Variants in AFG2A observed in about 807,000 individuals in gnomAD.
AFG2A encodes ATPase family gene 2 protein homolog A.
chr4:123,309,049 AG>A, the AFG2A span, among the ~76,000 whole-genome samples: 2 of 152,166 alleles, frequency 1.3e-5, no homozygotes. Context: ...AAAAGTAAAA[AG>A]CTATGCTAAT....
the AFG2A span, among the ~76,000 whole-genome samples, chr4:123,100,953 A>T: frequency 6.6e-6 from 1 of 151,960 alleles, no homozygotes; most frequent in East Asian, 1.9e-4. Flanking sequence ...TATGGCTACA[A>T]AGGCTTTAGG....
At chr4:123,307,070 G>A in the AFG2A span, among the ~76,000 whole-genome samples, 60 of 152,292 alleles carry the variant, frequency 3.9e-4, no homozygotes, top group Non-Finnish European at 7.6e-4. Flanking sequence ...ATTCAAACTT[G>A]TCTATTCACC....
chr4:123,004,815 T>C, the AFG2A span, among the ~76,000 whole-genome samples: 1 of 151,754 alleles, frequency 6.6e-6, no homozygotes, highest in Non-Finnish European at 1.5e-5. Flanking sequence ...TTTTCCCTTA[T>C]ATGTTCTCCA....
the AFG2A span, chr4:122,935,964 A>G: frequency 3.8e-6 from 5 of 1,323,344 alleles, no homozygotes; most frequent in Non-Finnish European, 4.0e-6. Context: ...TTGCTTCTTA[A>G]TAAAAATTGT....
the AFG2A span, among the ~76,000 whole-genome samples, chr4:123,048,009 C>A: frequency 6.6e-6 from 1 of 152,164 alleles, no homozygotes; most frequent in East Asian, 1.9e-4. Context: ...ACATTTAAGC[C>A]TTTAATACAT....
At chr4:123,167,306 T>A in the AFG2A span, among the ~76,000 whole-genome samples, 4 of 151,430 alleles carry the variant, frequency 2.6e-5, no homozygotes, top group African/African-American at 4.8e-5. Context: ...TTAGCCTTTC[T>A]TTCTCCATAG....
the AFG2A span, among the ~76,000 whole-genome samples, chr4:123,177,765 C>T: frequency 6.6e-6 from 1 of 152,168 alleles, no homozygotes; most frequent in Admixed American, 6.5e-5. Flanking sequence ...CCGGGGTCCT[C>T]ATTATGCTTT....
the AFG2A span, among the ~76,000 whole-genome samples, chr4:123,269,912 GTTCAAGCGA>G: frequency 7.0e-6 from 1 of 142,010 alleles, no homozygotes; most frequent in African/African-American, 2.4e-5. Context: ...TGCCTCCCGG[GTTCAAGCGA>G]TTCTTCTGCC....
chr4:123,114,676 G>A, the AFG2A span, among the ~76,000 whole-genome samples: 1 of 152,214 alleles, frequency 6.6e-6, no homozygotes, highest in Non-Finnish European at 1.5e-5. Context: ...CCACAACCCA[G>A]GCAGCTGCAG....
the AFG2A span, among the ~76,000 whole-genome samples, chr4:123,095,190 G>A: frequency 6.6e-6 from 1 of 150,812 alleles, no homozygotes; most frequent in African/African-American, 2.4e-5. Context: ...TATATATTCT[G>A]TAGTTATGGT....
the AFG2A span, among the ~76,000 whole-genome samples, chr4:123,215,752 G>A: frequency 6.6e-6 from 1 of 151,968 alleles, no homozygotes; most frequent in African/African-American, 2.4e-5. Flanking sequence ...AGCCTCTAGG[G>A]ATATTTATTG....
chr4:122,935,418 C>T, the AFG2A span, among the ~76,000 whole-genome samples: 17 of 150,942 alleles, frequency 1.1e-4, no homozygotes, highest in South Asian at 4.2e-4. Context: ...CTTGGTTTTT[C>T]GATCATTGAT....
At chr4:123,057,205 C>T in the AFG2A span, 1 of 1,613,824 alleles carries the variant, frequency 6.2e-7, no homozygotes, top group South Asian at 1.1e-5. Context: ...ACTCTTTCCA[C>T]CAGACCTTCC....
chr4:123,028,458 C>G, the AFG2A span: 28 of 1,381,054 alleles, frequency 2.0e-5, no homozygotes, highest in African/African-American at 4.3e-5. Flanking sequence ...CATTCTCTGA[C>G]TCCTACCTTT....
chr4:123,126,213 T>C, the AFG2A span, among the ~76,000 whole-genome samples: 2 of 152,242 alleles, frequency 1.3e-5, no homozygotes, highest in African/African-American at 2.4e-5. Flanking sequence ...TTCTCCAGGC[T>C]TTTGCTTATT....
At chr4:123,006,075 T>C in the AFG2A span, among the ~76,000 whole-genome samples, 2 of 151,614 alleles carry the variant, frequency 1.3e-5, no homozygotes, top group East Asian at 1.9e-4. Flanking sequence ...TTTCCTATAA[T>C]GCAGGTGTCC....
the AFG2A span, among the ~76,000 whole-genome samples, chr4:123,311,354 T>A: frequency 6.6e-6 from 1 of 151,924 alleles, no homozygotes; most frequent in East Asian, 1.9e-4. Flanking sequence ...CAGGCTGGGC[T>A]CGGGGGCTCA....
At chr4:123,234,423 G>C in the AFG2A span, among the ~76,000 whole-genome samples, 1 of 152,032 alleles carries the variant, frequency 6.6e-6, no homozygotes, top group Admixed American at 6.6e-5. Flanking sequence ...CCATAGTAAA[G>C]CACTTATTAC....
chr4:123,088,123 A>G, the AFG2A span, among the ~76,000 whole-genome samples: 2 of 152,138 alleles, frequency 1.3e-5, no homozygotes, highest in Non-Finnish European at 2.9e-5. Context: ...ACTATCTTTT[A>G]TAATACATTT....
Sources: gnomAD v4.1 joint callset for allele counts (sites outside exome capture counted in the v4.1 genomes callset) on GRCh38, gnomAD v4.1.1 for gene constraint, MANE v1.5 for transcripts, NCBI Gene and HGNC (gene_info 2026-07-23, HGNC 2026-07-21) for gene names.